The following PKNOX1 variants were observed in gnomAD, a reference collection of about 807,000 sequenced individuals.
The protein encoded by PKNOX1 is homeobox protein PKNOX1.
Under a neutral mutation model 51.9 loss-of-function variants are expected in PKNOX1, and 15 were observed. The observed-to-expected ratio is 0.29, with a 90% confidence interval of 0.19 to 0.45. The LOEUF is 0.45. Ranked by LOEUF, PKNOX1 falls within the 20% of genes least tolerant of loss-of-function variation. PKNOX1 has a pLI of 1.00. For synonymous variants in PKNOX1, 219 were observed against 211.1 expected (o/e 1.04, Z -0.32); for missense variants, 462 against 547.5 (o/e 0.84, Z 1.56).
intron 1 of PKNOX1, among the ~76,000 whole-genome samples, chr21:42,979,409 C>CTG (rs1281571056): frequency 6.6e-6 from 1 of 152,200 alleles, no homozygotes; most frequent in African/African-American, 2.4e-5. Context: ...AACATAGTAC[C>CTG]TGCTGAGTGC....
At position 43,016,990 on chromosome 21, in the gene PKNOX1, C is replaced by T. The variant is rs1979521907; in HGVS notation, c.605C>T (p.Ala202Val). Residue 202 changes from alanine (A) to valine (V), a missense_variant, in exon 6 of 11, where the codon GCC becomes GTC. Transcript: ENST00000291547. ...PASALQQGNV[A>V]MATVAGGTVY... is the part of the protein sequence containing the mutation. Reference sequence around the variant, plus strand: ...TCCGCGCTGCAGCAGGGAAACGTAGCCATGGCGACGGTGGCAGGTACGATG... The same window carrying T: ...TCCGCGCTGCAGCAGGGAAACGTAGTCATGGCGACGGTGGCAGGTACGATG... 6.2e-7 allele frequency: 1 copy of T among 1,611,814 alleles called. No individual in the cohort carries two copies. The highest frequency in any genetic ancestry group is 8.5e-7 in the Non-Finnish European group (1 of 1,179,198).
chr21:42,976,410 A>G (rs1568884122), intron 1 of PKNOX1, among the ~76,000 whole-genome samples: 1 of 152,190 alleles, frequency 6.6e-6, no homozygotes, highest in Non-Finnish European at 1.5e-5. Flanking sequence ...TCAGTTACTT[A>G]AAATAAGACA....
In PKNOX1 at chr21:42,976,812, A is replaced by G. The variant is rs562468479; in HGVS notation, c.-57+2148A>G. Among the ~76,000 whole-genome samples, 20 of 152,298 alleles carry G rather than the reference A, an allele frequency of 1.3e-4. No individual in the cohort carries two copies. In the South Asian group the frequency reaches 3.7e-3, roughly 28 times the overall value. Reference sequence around the variant, plus strand: ...AATGTTATTTGACTTCCTTCCATGAATCATGAATGGCATCTAGAATGGCAG... The same window carrying G: ...AATGTTATTTGACTTCCTTCCATGAGTCATGAATGGCATCTAGAATGGCAG... On this transcript the variant is annotated intron_variant, in intron 1 of 10. Transcript: ENST00000291547.
rs570414936 is a variant in PKNOX1 at position 42,995,953 on chromosome 21, A to G, written c.-56-8373A>G. 5.3e-5 allele frequency among the ~76,000 whole-genome samples: 8 copies of G among 152,222 alleles called. No homozygotes were observed. In the South Asian group the frequency reaches 6.2e-4, roughly 12 times the overall value. Reference sequence around the variant, plus strand: ...ACTTATTCTGACCCTTATTAAAGTTAGCAAGGCACTTAGTGCTTTGGGAGG... The same window carrying G: ...ACTTATTCTGACCCTTATTAAAGTTGGCAAGGCACTTAGTGCTTTGGGAGG... On this transcript the variant is annotated intron_variant, in intron 1 of 10. Transcript: ENST00000291547.
At chr21:42,975,615 G>A (rs1010976039) in intron 1 of PKNOX1, among the ~76,000 whole-genome samples, 1 of 152,236 alleles carries the variant, frequency 6.6e-6, no homozygotes, top group African/African-American at 2.4e-5. Context: ...CAGTGGCTCT[G>A]CGACGGGACC....
chr21:42,994,014 G>T (rs1047495069), intron 1 of PKNOX1, among the ~76,000 whole-genome samples: 2 of 146,016 alleles, frequency 1.4e-5, no homozygotes, highest in Admixed American at 1.4e-4. Context: ...TTACAGGTGT[G>T]AGCCGCCGCG....
At position 43,015,381 on chromosome 21, in the gene PKNOX1, A is replaced by C. The variant is rs557411911; in HGVS notation, c.523-1527A>C. On this transcript the variant is annotated intron_variant, in intron 5 of 10. Coordinates refer to ENST00000291547, the MANE Select transcript of PKNOX1 (RefSeq NM_004571.5). ...TTAGCCTGTTAATAATGGACATTAC[A>C]TGGATTGGTTTTTTGAATATTGAAC... is the stretch of plus-strand genomic sequence containing the variant. Among the ~76,000 whole-genome samples the C allele has an allele frequency of 1.7e-3, 265 of 152,346 alleles. 3 individuals carry two copies. Among genetic ancestry groups the C allele is most frequent in the African/African-American group, 6.0e-3 (248 of 41,580 alleles).
intron 1 of PKNOX1, among the ~76,000 whole-genome samples, chr21:43,000,130 C>T (rs775693550): frequency 5.3e-5 from 8 of 152,116 alleles, no homozygotes; most frequent in African/African-American, 1.2e-4. Context: ...TAGGAAGTTC[C>T]AAACTTTCCC....
intron 1 of PKNOX1, among the ~76,000 whole-genome samples, chr21:42,986,936 T>C (rs1004464435): frequency 6.6e-6 from 1 of 152,140 alleles, no homozygotes; most frequent in Non-Finnish European, 1.5e-5. Context: ...GGTGGCACTC[T>C]GGGAGTTGGT....
At chr21:42,980,673 G>A (rs555132027) in intron 1 of PKNOX1, among the ~76,000 whole-genome samples, 145 of 152,294 alleles carry the variant, frequency 9.5e-4, no homozygotes, top group African/African-American at 3.2e-3. Context: ...TTAAAATACT[G>A]TATTGAACCA....
At chr21:43,013,362 C>A in intron 5 of PKNOX1, 124 bp downstream of exon 5, 1 of 654,604 alleles carries the variant, frequency 1.5e-6, no homozygotes, top group Non-Finnish European at 2.4e-6. Context: ...AAGAAGGACC[C>A]TCTAGGTCTC....
At chr21:42,985,414 A>G (rs965167958) in intron 1 of PKNOX1, among the ~76,000 whole-genome samples, 1 of 151,966 alleles carries the variant, frequency 6.6e-6, no homozygotes, top group African/African-American at 2.4e-5. Context: ...GGCTCACTGC[A>G]GTCTCCACCT....
chr21:43,018,277 CA>C, intron 7 of PKNOX1, 47 bp downstream of exon 7: 1 of 1,162,638 alleles, frequency 8.6e-7, no homozygotes, highest in Non-Finnish European at 1.3e-6. Flanking sequence ...GTGCTGCCCA[CA>C]TAGGGGCACA....
At chr21:42,978,486 C>CTTTTTT (rs200084508) in intron 1 of PKNOX1, among the ~76,000 whole-genome samples, 22 of 124,872 alleles carry the variant, frequency 1.8e-4, no homozygotes, top group Non-Finnish European at 2.5e-4. Flanking sequence ...CTTTTCTTTT[C>CTTTTTT]TTTTTTTTTT....
At chr21:42,989,050 C>A (rs1325675040) in intron 1 of PKNOX1, among the ~76,000 whole-genome samples, 1 of 152,070 alleles carries the variant, frequency 6.6e-6, no homozygotes, top group Non-Finnish European at 1.5e-5. Context: ...CTTCTCAGGA[C>A]TTCTTTCTTT....
intron 3 of PKNOX1, among the ~76,000 whole-genome samples, chr21:43,008,315 C>G (rs1164041670): frequency 6.6e-6 from 1 of 152,156 alleles, no homozygotes; most frequent in African/African-American, 2.4e-5. Flanking sequence ...CACTCTGACA[C>G]TAAGACCAAA....
rs761433222 is a variant in PKNOX1, at chr21:43,029,921, C to G, written c.1131C>G (p.Asn377Lys). The G allele has an allele frequency of 6.2e-7, 1 of 1,614,174 alleles. No homozygotes were observed. Among genetic ancestry groups the G allele is most frequent in the Non-Finnish European group, 8.5e-7 (1 of 1,180,024 alleles). ...TTGTCACCATCACCACGCCCGTGAA[C>G]ATGAACGTGGACAGCCTTCAGTCTC... The part of the protein sequence containing the change: ...GAVVTITTPV[N>K]MNVDSLQSLS... Residue 377 changes from asparagine to lysine, a missense_variant, in exon 11 of 11, where the codon AAC (asparagine) becomes AAG (lysine). By Grantham distance (94) the Asn-to-Lys change is moderately conservative. Around this residue, in one of 5 missense-constraint regions of PKNOX1, gnomAD observed 118 missense variants for 116.8 expected, o/e 1.01. Transcript: ENST00000291547.
intron 5 of PKNOX1, among the ~76,000 whole-genome samples, chr21:43,015,430 C>T (rs1979447441): frequency 1.3e-5 from 2 of 152,288 alleles, no homozygotes; most frequent in African/African-American, 4.8e-5. Flanking sequence ...CTGGAATAAA[C>T]TCCACTTGGC....
chr21:43,008,766 G>T (rs1247674134), intron 3 of PKNOX1, among the ~76,000 whole-genome samples: 1 of 151,650 alleles, frequency 6.6e-6, no homozygotes, highest in South Asian at 2.1e-4. Context: ...GTGACAGAGA[G>T]TGAGGCCCTA....
Sources: gnomAD v4.1 joint callset for allele counts (sites outside exome capture counted in the v4.1 genomes callset) on GRCh38, gnomAD v4.1.1 for gene constraint, gnomAD v4.1.1 regional missense constraint, MANE v1.5 for transcripts, NCBI Gene and HGNC (gene_info 2026-07-23, HGNC 2026-07-21) for gene names.